Variants in ZNF277 observed in about 807,000 individuals in gnomAD.
The protein encoded by ZNF277 is nuclear receptor-interacting factor 4.
In ZNF277, 55 loss-of-function variants were observed where a neutral mutation model predicts 60.7. The observed-to-expected ratio is 0.91, with a 90% CI of 0.73 to 1.13. The LOEUF is 1.13. Among genes scored for constraint, ZNF277 ranks in the 50% most tolerant of loss-of-function variants. The pLI is 0.00. For missense variants in ZNF277, 510 were observed against 523.0 expected (o/e 0.98, Z 0.24); for synonymous variants, 178 against 179.3 (o/e 0.99, Z 0.06).
chr7:112,297,243 G>C (rs10238839), intron 4 of ZNF277, among the ~76,000 whole-genome samples: 1 of 151,716 alleles, frequency 6.6e-6, no homozygotes, highest in Admixed American at 6.6e-5. Context: ...TTTTATTTTC[G>C]TAAGTTAATC....
intron 7 of ZNF277, among the ~76,000 whole-genome samples, chr7:112,333,356 A>T (rs188563417): frequency 2.0e-5 from 3 of 152,328 alleles, no homozygotes; most frequent in Admixed American, 1.3e-4. Context: ...TGTAGATAGA[A>T]AGGCTGATTT....
chr7:112,271,728 G>A (rs2117039083), intron 1 of ZNF277, among the ~76,000 whole-genome samples: 1 of 152,208 alleles, frequency 6.6e-6, no homozygotes, highest in East Asian at 1.9e-4. Flanking sequence ...CTAGATATGG[G>A]CTATCTTAAA....
At chr7:112,255,129 A>G (rs1246949957) in intron 1 of ZNF277, among the ~76,000 whole-genome samples, 1 of 152,202 alleles carries the variant, frequency 6.6e-6, no homozygotes, top group Non-Finnish European at 1.5e-5. Context: ...GATGCTGACA[A>G]ATATTCACCT....
intron 1 of ZNF277, among the ~76,000 whole-genome samples, chr7:112,230,204 A>G (rs1822286196): frequency 6.6e-6 from 1 of 152,138 alleles, no homozygotes; most frequent in African/African-American, 2.4e-5. Context: ...AGGTGGGTGT[A>G]TCACCTGAAG....
chr7:112,274,939 A>G (rs1235321556), intron 1 of ZNF277, among the ~76,000 whole-genome samples: 1 of 152,182 alleles, frequency 6.6e-6, no homozygotes, highest in Non-Finnish European at 1.5e-5. Context: ...CCAAATAAAT[A>G]AAAGCACTTA....
Position 112,335,325 on chromosome 7 carries a change from A to G in ZNF277, c.802-779A>G, listed in dbSNP as rs1389514665. On this transcript the variant is annotated intron_variant, in intron 7 of 11. Transcript: ENST00000361822. ...ACATTGTCTGCTTTTGCATGGCACA[A>G]TGGGAAGATTGGATAGAAAGAAGAC... Among the ~76,000 whole-genome samples the G allele has an allele frequency of 7.9e-5, 12 of 152,152 alleles. No individual in the cohort carries two copies. The South Asian group carries it at 1.2e-3, about 16-fold the overall frequency.
Position 112,322,764 on chromosome 7 carries a change from A to G in ZNF277, c.557+4491A>G, listed in dbSNP as rs374421935. Among the ~76,000 whole-genome samples the G allele has an allele frequency of 5.9e-5, 9 of 152,078 alleles. No homozygotes were observed. In the East Asian group the frequency reaches 7.7e-4, roughly 13 times the overall value. ...CTGCTTTCTTCCCCCATGTATGTAGAGGAAAGTTTCTTATTTCTTTGTATG... is the reference window on the plus strand; with the variant it reads ...CTGCTTTCTTCCCCCATGTATGTAGGGGAAAGTTTCTTATTTCTTTGTATG... On this transcript the variant is annotated intron_variant, in intron 5 of 11. Coordinates refer to ENST00000361822, the MANE Select transcript of ZNF277 (RefSeq NM_021994.3).
At chr7:112,285,434 A>ATTT (rs397888986) in intron 1 of ZNF277, among the ~76,000 whole-genome samples, 26 of 127,496 alleles carry the variant, frequency 2.0e-4, no homozygotes, top group African/African-American at 2.4e-4. Context: ...AAAATAGGAA[A>ATTT]TTTTTTTTTT....
chr7:112,260,405 A>G (rs1791416326), intron 1 of ZNF277, among the ~76,000 whole-genome samples: 1 of 152,232 alleles, frequency 6.6e-6, no homozygotes, highest in African/African-American at 2.4e-5. Context: ...TTATTTACAA[A>G]TGAGTATCAT....
At chr7:112,317,006 A>T (rs1258091800) in intron 4 of ZNF277, among the ~76,000 whole-genome samples, 2 of 152,116 alleles carry the variant, frequency 1.3e-5, no homozygotes, top group Non-Finnish European at 2.9e-5. Flanking sequence ...TAGCAAGGAC[A>T]TGGATGAAGC....
intron 8 of ZNF277, among the ~76,000 whole-genome samples, chr7:112,337,376 G>T (rs1468313292): frequency 2.0e-5 from 3 of 152,208 alleles, no homozygotes; most frequent in African/African-American, 4.8e-5. Context: ...AGTGGTTGTG[G>T]TTAATGGGAG....
At chr7:112,332,696 A>G (rs1370128461) in intron 7 of ZNF277, among the ~76,000 whole-genome samples, 1 of 152,182 alleles carries the variant, frequency 6.6e-6, no homozygotes, top group Non-Finnish European at 1.5e-5. Context: ...TTCCTATGCG[A>G]AATTCCTGCT....
At chr7:112,226,511 T>C (rs1822180033) in intron 1 of ZNF277, among the ~76,000 whole-genome samples, 1 of 152,202 alleles carries the variant, frequency 6.6e-6, no homozygotes, top group Non-Finnish European at 1.5e-5. Context: ...AGTGTTCCTT[T>C]GATAGTACAT....
chr7:112,310,451 G>T (rs536039920), intron 4 of ZNF277, among the ~76,000 whole-genome samples: 1 of 147,330 alleles, frequency 6.8e-6, no homozygotes, highest in Non-Finnish European at 1.5e-5. Flanking sequence ...TTTAGGTTAG[G>T]TTTGAGAGAG....
At chr7:112,312,406 G>T (rs1019494432) in intron 4 of ZNF277, among the ~76,000 whole-genome samples, 2 of 151,914 alleles carry the variant, frequency 1.3e-5, no homozygotes, top group African/African-American at 4.8e-5. Context: ...AGTATTATCT[G>T]GACACTACAA....
chr7:112,287,744 C>G (rs1425169561), intron 2 of ZNF277: 1 of 152,170 alleles, frequency 6.6e-6, no homozygotes, highest in African/African-American at 2.4e-5. Flanking sequence ...CCAGGCCTGT[C>G]TCGAACTCCT....
At chr7:112,216,854 G>A (rs1821898077) in intron 1 of ZNF277, among the ~76,000 whole-genome samples, 1 of 152,204 alleles carries the variant, frequency 6.6e-6, no homozygotes, top group South Asian at 2.1e-4. Context: ...AGGTGTATCA[G>A]GTTAGAAAAT....
chr7:112,334,706 A>G (rs147564234), intron 7 of ZNF277, among the ~76,000 whole-genome samples: 31 of 152,328 alleles, frequency 2.0e-4, no homozygotes, highest in African/African-American at 7.2e-4. Flanking sequence ...TTCATTGACA[A>G]GCAACATTTG....
intron 1 of ZNF277, among the ~76,000 whole-genome samples, chr7:112,209,449 T>G (rs1369690104): frequency 6.6e-6 from 1 of 152,190 alleles, no homozygotes; most frequent in South Asian, 2.1e-4. Flanking sequence ...ATTAAGTAAC[T>G]GATAGAAAGC....
Sources: gnomAD v4.1 joint callset for allele counts (sites outside exome capture counted in the v4.1 genomes callset) on GRCh38, gnomAD v4.1.1 for gene constraint, MANE v1.5 for transcripts, NCBI Gene and HGNC (gene_info 2026-07-23, HGNC 2026-07-21) for gene names.